The following TG variants were observed in gnomAD, a reference collection of about 807,000 sequenced individuals.
The protein encoded by TG is thyroglobulin, also known as thyroid hormones.
Under a neutral mutation model 324.7 loss-of-function variants are expected in TG, and 270 were observed. The observed-to-expected ratio is 0.83, with a 90% CI of 0.75 to 0.92. TG has a LOEUF of 0.92. TG is among the 40% of genes least tolerant of loss of function. The pLI is 0.00. For missense variants in TG, 3,591 were observed against 3,456.4 expected (o/e 1.04, Z -0.98); for synonymous variants, 1,401 against 1,327.0 (o/e 1.06, Z -1.21).
At chr8:133,005,979 G>T (rs777907988) in intron 35 of TG, among the ~76,000 whole-genome samples, 10 of 152,168 alleles carry the variant, frequency 6.6e-5, no homozygotes, top group Non-Finnish European at 1.3e-4. Flanking sequence ...TGGAGGAAAA[G>T]AACTCCTTTC....
intron 16 of TG, 22 bp downstream of exon 16, chr8:132,901,575 G>T: frequency 6.2e-7 from 1 of 1,606,126 alleles, no homozygotes; most frequent in Admixed American, 1.7e-5. Flanking sequence ...CCCCCTGGGG[G>T]GACGACGAGG....
chr8:132,971,305 G>T (rs1019098166), intron 32 of TG, among the ~76,000 whole-genome samples: 4 of 152,200 alleles, frequency 2.6e-5, no homozygotes, highest in African/African-American at 9.7e-5. Flanking sequence ...AGTAAGAGGG[G>T]AAGTGAAGGG....
At chr8:133,057,237 C>T (rs1418392458) in intron 41 of TG, among the ~76,000 whole-genome samples, 2 of 152,122 alleles carry the variant, frequency 1.3e-5, no homozygotes, top group African/African-American at 2.4e-5. Flanking sequence ...AAAAAGATCA[C>T]AGCAGAGAGA....
At chr8:132,872,737 A>G (rs984764802) in intron 4 of TG, among the ~76,000 whole-genome samples, 2 of 152,104 alleles carry the variant, frequency 1.3e-5, no homozygotes, top group African/African-American at 4.8e-5. Context: ...TTTTTACTGT[A>G]CCGTTTCTAT....
rs1289334451 is a variant in TG, at chr8:133,133,446, ATTTC to A, written c.7998-17_7998-14del. 7.4e-6 allele frequency: 12 copies of A among 1,610,832 alleles called. No homozygotes were observed. Among genetic ancestry groups the A allele is most frequent in the Non-Finnish European group, 1.0e-5 (12 of 1,177,118 alleles). ...GGAAAGACAAATTTCCCTCATGGAT[ATTTC>A]TTTCTTCTCATTTGCCCAGAAATCC... On this transcript the variant is annotated intron_variant, in intron 46 of 47. Transcript: ENST00000220616.
chr8:132,935,137 CTT>C (rs34047530), intron 24 of TG, among the ~76,000 whole-genome samples: 4,048 of 136,340 alleles, frequency 0.03, 98 homozygotes, highest in African/African-American at 0.07. Context: ...CTGGCAAACT[CTT>C]TTTTTTTTTT....
At position 132,941,413 on chromosome 8, in the gene TG, T is replaced by A; in HGVS notation, c.5104T>A (p.Ser1702Thr). 6.2e-7 allele frequency: 1 copy of A among 1,614,234 alleles called. No homozygotes were observed. The highest frequency in any genetic ancestry group is 8.5e-7 in the Non-Finnish European group (1 of 1,180,044). ...FEPTGFQNML[S>T]GLYNPIVFSA... Reference sequence around the variant, plus strand: ...ACCCACTGGTTTCCAAAACATGCTTTCTGGATTGTACAACCCCATTGTGTT... The same window carrying A: ...ACCCACTGGTTTCCAAAACATGCTTACTGGATTGTACAACCCCATTGTGTT... Residue 1702 changes from serine (S) to threonine (T), a missense_variant, in exon 26 of 48, where the codon TCT becomes ACT. Coordinates refer to ENST00000220616, the MANE Select transcript of TG (RefSeq NM_003235.5).
intron 21 of TG, among the ~76,000 whole-genome samples, chr8:132,921,845 G>A (rs1485424079): frequency 5.3e-5 from 8 of 152,140 alleles, no homozygotes; most frequent in Non-Finnish European, 8.8e-5. Flanking sequence ...AATAGCCTTT[G>A]TAACCTCCCA....
chr8:132,981,841 AAG>A (rs1490956862), intron 34 of TG, among the ~76,000 whole-genome samples: 2 of 152,182 alleles, frequency 1.3e-5, no homozygotes, highest in African/African-American at 4.8e-5. Context: ...AGATGATGCC[AAG>A]GGGAAAAGAC....
At chr8:132,972,570 T>TG (rs1160521050) in intron 33 of TG, 28 bp from the exon 34 acceptor site, 2 of 1,379,236 alleles carry the variant, frequency 1.5e-6, no homozygotes, top group African/African-American at 2.7e-5. Flanking sequence ...CTGATTGTGG[T>TG]TTTTTGTTTT....
chr8:132,990,582 C>T (rs1050325911), intron 35 of TG, among the ~76,000 whole-genome samples: 4 of 152,142 alleles, frequency 2.6e-5, no homozygotes, highest in African/African-American at 9.7e-5. Context: ...CCTCCCCCTC[C>T]CTCTGATCTT....
chr8:133,045,387 C>CTTTTTTTTTT (rs5895172), intron 41 of TG, among the ~76,000 whole-genome samples: 1 of 65,868 alleles, frequency 1.5e-5, no homozygotes, highest in African/African-American at 6.7e-5. Flanking sequence ...ATCCTCTTTG[C>CTTTTTTTTTT]TTTTTTTTTT....
chr8:133,053,344 T>C (rs759619828), intron 41 of TG, among the ~76,000 whole-genome samples: 2 of 152,230 alleles, frequency 1.3e-5, no homozygotes, highest in African/African-American at 2.4e-5. Context: ...TGGTGTCTTC[T>C]GTGTCTGTAG....
chr8:132,938,329 C>T (rs1823907696), intron 25 of TG, among the ~76,000 whole-genome samples: 1 of 152,158 alleles, frequency 6.6e-6, no homozygotes, highest in African/African-American at 2.4e-5. Flanking sequence ...CTGTGGCCTT[C>T]AACTTGGGGG....
At chr8:132,999,233 G>A (rs1833202091) in intron 35 of TG, among the ~76,000 whole-genome samples, 1 of 152,166 alleles carries the variant, frequency 6.6e-6, no homozygotes, top group South Asian at 2.1e-4. Context: ...ATGGTGCAGA[G>A]AGGACAGGCG....
chr8:132,983,645 T>G lies in TG; in HGVS notation c.6262+233T>G. On this transcript the variant is annotated intron_variant, in intron 35 of 47. Coordinates refer to ENST00000220616, the MANE Select transcript of TG (RefSeq NM_003235.5). ...AAATGATTTGTGGAAATTATGTGGC[T>G]GATTGAAGCAGAGTAAGACCTAAGT... 6.7e-6 allele frequency: 4 copies of G among 600,160 alleles called. No homozygotes were observed. In the East Asian group the frequency reaches 1.1e-4, roughly 17 times the overall value. The allele number at this position is 600,160 out of a possible 1,614,324, so 37.2% of individuals were successfully genotyped here. A position where few individuals can be genotyped will look rare whatever the true frequency, so the allele number is the denominator to read the frequency against.
At chr8:132,900,469 A>G (rs1817757438) in intron 15 of TG, 130 bp downstream of exon 15, 1 of 818,860 alleles carries the variant, frequency 1.2e-6, no homozygotes, top group East Asian at 2.7e-5. Context: ...TGCTGACCTC[A>G]CTATGCCTCA....
chr8:133,074,736 C>G, intron 41 of TG: 1 of 475,340 alleles, frequency 2.1e-6, no homozygotes. Flanking sequence ...AGACATTGCC[C>G]CACCTGTTCT....
At chr8:132,919,938 T>C (rs980921156) in intron 21 of TG, among the ~76,000 whole-genome samples, 5 of 152,186 alleles carry the variant, frequency 3.3e-5, no homozygotes, top group Non-Finnish European at 7.3e-5. Context: ...TAGCCCAGCT[T>C]TTACAGATAA....
Sources: gnomAD v4.1 joint callset for allele counts (sites outside exome capture counted in the v4.1 genomes callset) on GRCh38, gnomAD v4.1.1 for gene constraint, MANE v1.5 for transcripts, NCBI Gene and HGNC (gene_info 2026-07-23, HGNC 2026-07-21) for gene names.